WWOX: variants seen among roughly 807,000 people sequenced by gnomAD.
The protein encoded by WWOX is WW domain-containing oxidoreductase.
In WWOX, 69 loss-of-function variants were observed where a neutral mutation model predicts 46.2. The ratio of observed to expected loss-of-function variants is 1.49; its 90% CI spans 1.23 to 1.82. The LOEUF (loss-of-function observed/expected upper bound fraction) is 1.82, where lower values mean the gene tolerates loss of function less well. Ranked by LOEUF, WWOX falls within the 40% of genes most tolerant of loss-of-function variation. WWOX has a pLI of 0.00. For synonymous variants in WWOX, 359 were observed against 202.6 expected, an observed-to-expected ratio of 1.77 and a Z score of -6.56; for missense variants, 919 against 542.6, an observed-to-expected ratio of 1.69 and a Z score of -6.89.
chr16:78,149,551 C>G (rs1359681419), intron 4 of WWOX, among the ~76,000 whole-genome samples: 2 of 152,180 alleles, frequency 1.3e-5, no homozygotes, highest in Non-Finnish European at 1.5e-5. Context: ...GAAGAGACCT[C>G]AATTCTGTGC....
intron 8 of WWOX, among the ~76,000 whole-genome samples, chr16:78,554,401 C>G (rs2044241071): frequency 6.6e-6 from 1 of 152,140 alleles, no homozygotes; most frequent in Non-Finnish European, 1.5e-5. Flanking sequence ...AAATTGCAAC[C>G]TGAGGCATAA....
intron 5 of WWOX, among the ~76,000 whole-genome samples, chr16:78,344,063 C>A (rs777981306): frequency 8.4e-6 from 1 of 118,944 alleles, no homozygotes; most frequent in Non-Finnish European, 2.0e-5. Flanking sequence ...AAGAAATGTT[C>A]CAGAATGCCA....
chr16:78,747,611 G>T (rs1039756783), intron 8 of WWOX, among the ~76,000 whole-genome samples: 3 of 152,024 alleles, frequency 2.0e-5, no homozygotes, highest in African/African-American at 7.2e-5. Context: ...TGGTGGAGTC[G>T]AATTCAAACC....
intron 8 of WWOX, among the ~76,000 whole-genome samples, chr16:78,998,856 T>C (rs947178658): frequency 6.6e-6 from 1 of 152,220 alleles, no homozygotes; most frequent in African/African-American, 2.4e-5. Context: ...TCTGAACACA[T>C]CTCAAAGTTC....
intron 8 of WWOX, among the ~76,000 whole-genome samples, chr16:79,057,956 G>T (rs1312990955): frequency 6.6e-6 from 1 of 151,970 alleles, no homozygotes; most frequent in Non-Finnish European, 1.5e-5. Flanking sequence ...CATTCAAATC[G>T]CTGTTTGCTT....
intron 8 of WWOX, among the ~76,000 whole-genome samples, chr16:78,821,321 T>G (rs1457170541): frequency 1.1e-4 from 17 of 152,070 alleles, no homozygotes. Flanking sequence ...TGATGGAGGG[T>G]GGGTCGGAAG....
rs531218434 is a variant in WWOX, at chr16:78,623,359, A to G, written c.1056+190607A>G. On this transcript the variant is annotated intron_variant, in intron 8 of 8. Coordinates refer to ENST00000566780, the MANE Select transcript of WWOX (RefSeq NM_016373.4). ...TTACTCACCAGGTTTCAGAGGAGAGATGGGAATTTGATGATCTTATAAGAA... is the reference window on the plus strand; with the variant it reads ...TTACTCACCAGGTTTCAGAGGAGAGGTGGGAATTTGATGATCTTATAAGAA... 1.8e-4 allele frequency among the ~76,000 whole-genome samples: 27 copies of G among 152,196 alleles called. 1 individual carries two copies. The East Asian group carries it at 4.1e-3, about 23-fold the overall frequency.
At chr16:79,184,582 C>G (rs991698066) in intron 8 of WWOX, among the ~76,000 whole-genome samples, 2 of 152,228 alleles carry the variant, frequency 1.3e-5, no homozygotes, top group African/African-American at 4.8e-5. Context: ...CTGCAACTCT[C>G]CAAGCTCCAG....
chr16:79,207,472 T>G (rs2051554354), intron 8 of WWOX, among the ~76,000 whole-genome samples: 1 of 152,250 alleles, frequency 6.6e-6, no homozygotes, highest in Non-Finnish European at 1.5e-5. Flanking sequence ...CTTCCAGGGT[T>G]CATTCCTTTC....
At chr16:78,869,559 C>T (rs989072866) in intron 8 of WWOX, among the ~76,000 whole-genome samples, 2 of 152,198 alleles carry the variant, frequency 1.3e-5, no homozygotes, top group African/African-American at 4.8e-5. Context: ...ATTGAAACAG[C>T]CGATTGAAGT....
At chr16:78,853,656 A>G (rs530511166) in intron 8 of WWOX, among the ~76,000 whole-genome samples, 20 of 152,200 alleles carry the variant, frequency 1.3e-4, no homozygotes, top group African/African-American at 4.3e-4. Context: ...GGTGGAGAAG[A>G]GGGGCGGATA....
intron 8 of WWOX, among the ~76,000 whole-genome samples, chr16:79,124,692 A>G (rs528898534): frequency 6.6e-6 from 1 of 152,326 alleles, no homozygotes; most frequent in African/African-American, 2.4e-5. Flanking sequence ...GGTTGGGCTT[A>G]TATTGTTTAG....
chr16:79,121,612 A>G (rs1287876390), intron 8 of WWOX, among the ~76,000 whole-genome samples: 1 of 152,136 alleles, frequency 6.6e-6, no homozygotes, highest in Non-Finnish European at 1.5e-5. Flanking sequence ...AGTTTGCAGT[A>G]GGATTTCAAA....
At chr16:79,093,816 G>T (rs543088777) in intron 8 of WWOX, among the ~76,000 whole-genome samples, 1 of 152,162 alleles carries the variant, frequency 6.6e-6, no homozygotes, top group Admixed American at 6.5e-5. Context: ...TCGACACAGA[G>T]TGACAGGCCT....
chr16:78,397,755 C>G (rs2082321177), intron 6 of WWOX, among the ~76,000 whole-genome samples: 1 of 152,174 alleles, frequency 6.6e-6, no homozygotes, highest in African/African-American at 2.4e-5. Flanking sequence ...CTCAGGATCA[C>G]CTCAGGTGAT....
At chr16:79,031,589 A>C (rs758388928) in intron 8 of WWOX, among the ~76,000 whole-genome samples, 17 of 151,788 alleles carry the variant, frequency 1.1e-4, no homozygotes, top group Non-Finnish European at 1.3e-4. Flanking sequence ...GCATATGTGG[A>C]ATTTTTACCT....
intron 8 of WWOX, among the ~76,000 whole-genome samples, chr16:78,603,853 T>C (rs928724886): frequency 3.9e-4 from 60 of 152,054 alleles, no homozygotes; most frequent in African/African-American, 1.4e-3. Context: ...TCTCAAAAAT[T>C]AGAAGCTGGC....
chr16:78,683,207 T>C (rs755427539), intron 8 of WWOX, among the ~76,000 whole-genome samples: 3 of 152,128 alleles, frequency 2.0e-5, no homozygotes, highest in Non-Finnish European at 4.4e-5. Flanking sequence ...TTCATTTTTA[T>C]TTTTAAAAAA....
chr16:78,568,237 G>T (rs988264580), intron 8 of WWOX, among the ~76,000 whole-genome samples: 12 of 152,012 alleles, frequency 7.9e-5, no homozygotes, highest in Admixed American at 5.9e-4. Context: ...CTTGAGTGGG[G>T]CCATTTTAGA....
Sources: gnomAD v4.1 joint callset for allele counts (sites outside exome capture counted in the v4.1 genomes callset) on GRCh38, gnomAD v4.1.1 for gene constraint, MANE v1.5 for transcripts, NCBI Gene and HGNC (gene_info 2026-07-23, HGNC 2026-07-21) for gene names.